The following BEND6 variants were observed in gnomAD, a reference collection of about 807,000 sequenced individuals.
BEND6 encodes BEN domain containing 6, also known as BEN domain-containing protein 6.
A neutral mutation model predicts 31.8 loss-of-function variants in BEND6; 24 were observed. The observed-to-expected ratio is 0.75, with a 90% CI of 0.55 to 1.06. The LOEUF (loss-of-function observed/expected upper bound fraction) is 1.06. Ranked by LOEUF, BEND6 falls within the 50% of genes least tolerant of loss-of-function variation. The pLI is 0.00. For missense variants in BEND6, 294 were observed against 327.4 expected, an observed-to-expected ratio of 0.90 and a Z score of 0.79; for synonymous variants, 109 against 114.6, an observed-to-expected ratio of 0.95 and a Z score of 0.31.
intron 3 of BEND6, among the ~76,000 whole-genome samples, 191 bp from the exon 4 acceptor site, chr6:57,014,942 A>C (rs1827479089): frequency 6.6e-6 from 1 of 152,236 alleles, no homozygotes; most frequent in Admixed American, 6.5e-5. Flanking sequence ...ATTATTAAGC[A>C]ATTACTAAAT....
intron 1 of BEND6, among the ~76,000 whole-genome samples, chr6:56,975,337 G>T (rs1825835518): frequency 6.6e-6 from 1 of 151,954 alleles, no homozygotes. Flanking sequence ...TTAAAAAAAT[G>T]AAAAACTAAG....
intron 1 of BEND6, among the ~76,000 whole-genome samples, chr6:56,958,175 T>C (rs1004376649): frequency 2.6e-5 from 4 of 152,316 alleles, no homozygotes; most frequent in African/African-American, 9.6e-5. Flanking sequence ...CAGGCCCATG[T>C]GTGAGAAGGG....
At position 57,018,495 on chromosome 6, in the gene BEND6, T is replaced by C. The variant is rs200106902; in HGVS notation, c.787T>C (p.Cys263Arg). The change falls in exon 6 of 7, where the codon TGT becomes CGT. Residue 263 changes from cysteine (C) to arginine (R), a missense_variant. Coordinates refer to ENST00000370746, the MANE Select transcript of BEND6 (RefSeq NM_152731.3). The stretch of plus-strand genomic sequence containing the variant: ...AATGATAGGGCAAAAGCTAAACAAC[T>C]GTACCAAGAAGCCAAATTTAAGCAA... ...RRMIGQKLNN[C>R]TKKPNLSKNL... 1.3e-5 allele frequency: 20 copies of C among 1,585,860 alleles called. No individual in the cohort carries two copies. The highest frequency in any genetic ancestry group is 2.3e-5 in the East Asian group (1 of 43,290).
chr6:57,015,238 CAACA>C lies in BEND6; in HGVS notation c.410_413del (p.Asn137ThrfsTer24). Reference sequence around the variant, plus strand: ...ACATCTGCATCCACCCTCTGGAGAGCAACAAACAACTCCTCGCCAGATTCATTTG... The same window carrying C: ...ACATCTGCATCCACCCTCTGGAGAGCAACAACTCCTCGCCAGATTCATTTG... On this transcript the variant is annotated frameshift_variant, in exon 4 of 7. Transcript: ENST00000370746. LOFTEE classifies it high-confidence loss of function. 3 of 1,614,144 alleles carry C rather than the reference CAACA, an allele frequency of 1.9e-6. No homozygotes were observed. The highest frequency in any genetic ancestry group is 8.5e-7 in the Non-Finnish European group (1 of 1,180,006).
At chr6:57,008,168 A>G (rs1262736360) in intron 3 of BEND6, 5 of 702,700 alleles carry the variant, frequency 7.1e-6, no homozygotes, top group Non-Finnish European at 1.3e-5. Flanking sequence ...TTTCTATCTT[A>G]TCTCCTTTAC....
rs375959989 is a variant in BEND6 at position 56,981,927 on chromosome 6, A to T, written c.117A>T (p.Gly39=). Residue 39 remains glycine (G), a synonymous_variant, in exon 2 of 7, where the codon GGA becomes GGT. Coordinates refer to ENST00000370746, the MANE Select transcript of BEND6 (RefSeq NM_152731.3). ...SENANSDMDK[G]QRDPYSGNAF... is the part of the protein sequence containing the mutation. ...ATGCAAATAGTGACATGGATAAAGG[A>T]CAGGTTGGTTTTTTGTTACCTTGAC... The T allele has an allele frequency of 6.2e-7, 1 of 1,605,400 alleles. No homozygotes were observed. The highest frequency in any genetic ancestry group is 1.1e-5 in the South Asian group (1 of 88,606).
chr6:56,956,305 A>G (rs898138113), intron 1 of BEND6, among the ~76,000 whole-genome samples: 8 of 152,254 alleles, frequency 5.3e-5, no homozygotes, highest in African/African-American at 1.7e-4. Context: ...AAAAGCAGGT[A>G]AATAATTGGG....
chr6:56,969,592 AG>A (rs1428674463), intron 1 of BEND6, among the ~76,000 whole-genome samples: 1 of 152,230 alleles, frequency 6.6e-6, no homozygotes, highest in Non-Finnish European at 1.5e-5. Flanking sequence ...AAGAGTACTT[AG>A]GTTTTGTTGT....
At position 56,992,668 on chromosome 6, in the gene BEND6, C is replaced by A. The variant is rs957780972; in HGVS notation, c.298+113C>A. ...AAGAAAATCCACACCTCTGGGAGCTCAAAAAATCACAGTTTTAGAAAAAAT... is the reference window on the plus strand; with the variant it reads ...AAGAAAATCCACACCTCTGGGAGCTAAAAAAATCACAGTTTTAGAAAAAAT... On this transcript the variant is annotated intron_variant, in intron 3 of 6. Transcript: ENST00000370746. The A allele has an allele frequency of 5.4e-6, 6 of 1,119,008 alleles. No individual in the cohort carries two copies. The South Asian group carries it at 6.0e-5, about 11-fold the overall frequency. 69.3% of individuals were successfully genotyped at this position (1,119,008 alleles called of 1,614,324 possible).
intron 3 of BEND6, among the ~76,000 whole-genome samples, chr6:57,013,479 T>C (rs897132836): frequency 1.6e-4 from 24 of 152,326 alleles, no homozygotes; most frequent in Admixed American, 3.9e-4. Context: ...TAGGCATGAT[T>C]GATCGGTTGA....
At chr6:56,989,943 G>A (rs1408136558) in intron 2 of BEND6, among the ~76,000 whole-genome samples, 1 of 152,074 alleles carries the variant, frequency 6.6e-6, no homozygotes, top group Non-Finnish European at 1.5e-5. Context: ...TATGATCAAT[G>A]ATTTTATGCC....
rs551551087 is a variant in BEND6 at position 57,015,194 on chromosome 6, G to T, written c.360G>T (p.Lys120Asn). The T allele has an allele frequency of 6.3e-4, 1,009 of 1,614,136 alleles. 15 individuals carry two copies. In the South Asian group the frequency reaches 0.01, roughly 17 times the overall value. ...TTGGTATGGCCGAGGCTCTGCTTAA[G>T]GGTGGGGGAACCATGTCTACATCTG... ...ELVGMAEALL[K>N]GGGTMSTSAS... The change falls in exon 4 of 7, where the codon AAG becomes AAT. Residue 120 changes from lysine (K) to asparagine (N), a missense_variant. By Grantham distance (94) the Lys-to-Asn change is moderately conservative (BLOSUM62 0). Transcript: ENST00000370746.
intron 3 of BEND6, chr6:57,004,663 T>G: frequency 7.1e-7 from 1 of 1,401,654 alleles, no homozygotes; most frequent in East Asian, 2.3e-5. Context: ...GGCATTACAT[T>G]TGGAAAAAAA....
intron 1 of BEND6, chr6:56,975,767 A>G: frequency 1.9e-6 from 1 of 525,088 alleles, no homozygotes; most frequent in Non-Finnish European, 3.8e-6. Context: ...TAAACCTCCC[A>G]TTTTAAACAG....
chr6:57,006,526 A>G (rs1440053873), intron 3 of BEND6, among the ~76,000 whole-genome samples: 1 of 152,212 alleles, frequency 6.6e-6, no homozygotes, highest in African/African-American at 2.4e-5. Flanking sequence ...ATTCCAAGCT[A>G]CCTTCTCACT....
At chr6:56,972,013 C>G (rs192427113) in intron 1 of BEND6, among the ~76,000 whole-genome samples, 12 of 151,740 alleles carry the variant, frequency 7.9e-5, no homozygotes, top group Admixed American at 1.3e-4. Context: ...TGGTATCATA[C>G]CCAAGAAATC....
At chr6:57,025,417 C>T (rs2127897280) in intron 6 of BEND6, among the ~76,000 whole-genome samples, 1 of 152,338 alleles carries the variant, frequency 6.6e-6, no homozygotes, top group South Asian at 2.1e-4. Context: ...TAGGTCACTG[C>T]CTCCTTTTTG....
intron 2 of BEND6, among the ~76,000 whole-genome samples, chr6:56,990,854 T>C (rs1216368123): frequency 3.5e-4 from 54 of 152,226 alleles, no homozygotes; most frequent in Non-Finnish European, 2.9e-5. Flanking sequence ...TCTTGAGATC[T>C]CTTCCAAGCT....
chr6:57,009,513 G>A (rs928924681), intron 3 of BEND6: 2 of 152,154 alleles, frequency 1.3e-5, no homozygotes, highest in African/African-American at 4.8e-5. Flanking sequence ...GCAATTAGAT[G>A]TGCCCTTGTA....
Sources: gnomAD v4.1 joint callset for allele counts (sites outside exome capture counted in the v4.1 genomes callset) on GRCh38, gnomAD v4.1.1 for gene constraint, MANE v1.5 for transcripts, NCBI Gene and HGNC (gene_info 2026-07-23, HGNC 2026-07-21) for gene names.